Variants in SDK1 observed in about 807,000 individuals in gnomAD.
The protein encoded by SDK1 is sidekick cell adhesion molecule 1.
SDK1 carries 157 observed loss-of-function variants against 245.5 expected under a neutral mutation model. The observed-to-expected ratio is 0.64, with a 90% CI of 0.56 to 0.73. The LOEUF is 0.73. Among genes scored for constraint, SDK1 ranks in the 30% least tolerant of loss-of-function variants. The pLI, the probability that SDK1 is intolerant of heterozygous loss-of-function variation, is 0.00. For missense variants in SDK1, 3,583 were observed against 3,002.3 expected (o/e 1.19, Z -4.52); for synonymous variants, 1,647 against 1,278.5 (o/e 1.29, Z -6.15).
Position 4,214,144 on chromosome 7 carries a change from G to A in SDK1, c.5539+3982G>A, listed in dbSNP as rs1300408719. ...GTTTTGAAAATAATGACGAGGGTTG[G>A]GATTTGAACCCAGGTGTTCTGAGTC... On this transcript the variant is annotated intron_variant, in intron 38 of 44. Transcript: ENST00000404826. Among the ~76,000 whole-genome samples the A allele has an allele frequency of 3.3e-5, 5 of 152,130 alleles. No homozygotes were observed. In the South Asian group the frequency reaches 8.3e-4, roughly 25 times the overall value.
chr7:4,080,948 G>A (rs962429993), intron 22 of SDK1, among the ~76,000 whole-genome samples: 4 of 152,172 alleles, frequency 2.6e-5, no homozygotes, highest in African/African-American at 7.2e-5. Context: ...AAAACGCTTA[G>A]GATTAAATAT....
intron 1 of SDK1, among the ~76,000 whole-genome samples, chr7:3,504,240 C>T (rs1022841119): frequency 1.5e-5 from 2 of 137,572 alleles, no homozygotes; most frequent in East Asian, 2.1e-4. Context: ...ATATCAAAAT[C>T]CCAGCTGGAT....
intron 41 of SDK1, among the ~76,000 whole-genome samples, chr7:4,235,287 G>T (rs192191044): frequency 1.3e-5 from 2 of 152,036 alleles, no homozygotes; most frequent in Non-Finnish European, 1.5e-5. Context: ...GCCTCAGCTC[G>T]CAAGCAGCTG....
At chr7:4,033,187 A>G (rs929249452) in intron 17 of SDK1, among the ~76,000 whole-genome samples, 3 of 152,198 alleles carry the variant, frequency 2.0e-5, no homozygotes, top group African/African-American at 7.2e-5. Context: ...ATATAATAAA[A>G]GGACATCTTG....
chr7:3,436,653 A>C (rs1425968133), intron 1 of SDK1, among the ~76,000 whole-genome samples: 1 of 152,194 alleles, frequency 6.6e-6, no homozygotes, highest in Non-Finnish European at 1.5e-5. Context: ...TGAACCATGT[A>C]ATATTTTTCT....
chr7:4,185,596 C>T (rs1423190125), intron 35 of SDK1, among the ~76,000 whole-genome samples: 1 of 152,164 alleles, frequency 6.6e-6, no homozygotes, highest in Non-Finnish European at 1.5e-5. Context: ...CCTGCATCCA[C>T]GCGAGCCCTT....
At chr7:4,152,157 G>T (rs546623742) in intron 30 of SDK1, among the ~76,000 whole-genome samples, 70 of 152,302 alleles carry the variant, frequency 4.6e-4, no homozygotes, top group African/African-American at 1.7e-3. Flanking sequence ...ATTGCTGACC[G>T]CCACGGAACT....
chr7:3,661,907 C>G (rs1009025426), intron 4 of SDK1, among the ~76,000 whole-genome samples: 3 of 152,092 alleles, frequency 2.0e-5, no homozygotes, highest in African/African-American at 7.2e-5. Flanking sequence ...CCTGTTTAAG[C>G]ACGTGCAACT....
intron 1 of SDK1, among the ~76,000 whole-genome samples, chr7:3,441,547 C>T (rs1562488443): frequency 6.6e-6 from 1 of 151,996 alleles, no homozygotes. Context: ...TTTTTGGACT[C>T]TGTTTTGTTC....
chr7:3,339,392 C>T (rs1025591768), intron 1 of SDK1, among the ~76,000 whole-genome samples: 2 of 152,116 alleles, frequency 1.3e-5, no homozygotes, highest in Non-Finnish European at 2.9e-5. Context: ...ATTAGTAAAA[C>T]TATACACCAA....
At chr7:3,915,450 A>G (rs1356225745) in intron 5 of SDK1, among the ~76,000 whole-genome samples, 1 of 152,180 alleles carries the variant, frequency 6.6e-6, no homozygotes, top group Non-Finnish European at 1.5e-5. Context: ...TTCTTGTGGT[A>G]GTGAACAAGT....
intron 5 of SDK1, among the ~76,000 whole-genome samples, chr7:3,878,433 C>T (rs1432310809): frequency 3.3e-5 from 5 of 152,202 alleles, no homozygotes; most frequent in South Asian, 4.1e-4. Context: ...AGGAGAATGG[C>T]GTGAACCCGG....
intron 31 of SDK1, 107 bp from the exon 32 acceptor site, chr7:4,161,679 G>A (rs1228631900): frequency 3.6e-6 from 3 of 838,476 alleles, no homozygotes; most frequent in Non-Finnish European, 6.0e-6. Flanking sequence ...GAGAAGGAAG[G>A]AGGCAGGGCT....
intron 1 of SDK1, among the ~76,000 whole-genome samples, chr7:3,610,475 A>G (rs78986224): frequency 0.031 from 4,762 of 152,332 alleles, 105 homozygotes; most frequent in Non-Finnish European, 0.047. Flanking sequence ...GTATACTTCT[A>G]CTTTGAAGTA....
intron 22 of SDK1, 119 bp downstream of exon 22, chr7:4,079,703 A>T: frequency 7.3e-7 from 1 of 1,371,866 alleles, no homozygotes; most frequent in East Asian, 2.3e-5. Context: ...GTGCTTGGAG[A>T]GGGAGAACCA....
chr7:4,077,302 T>G (rs1780749032), intron 21 of SDK1, 113 bp downstream of exon 21: 7 of 993,148 alleles, frequency 7.0e-6, no homozygotes, highest in Non-Finnish European at 1.0e-5. Context: ...TGAAAAGGAG[T>G]AGTGGCCTCC....
intron 1 of SDK1, among the ~76,000 whole-genome samples, chr7:3,597,188 C>A (rs370395391): frequency 6.7e-6 from 1 of 148,154 alleles, no homozygotes; most frequent in South Asian, 2.2e-4. Context: ...AGGAGAATGG[C>A]GTGAACCCGG....
intron 5 of SDK1, among the ~76,000 whole-genome samples, chr7:3,904,748 C>G (rs751834442): frequency 3.3e-5 from 5 of 151,962 alleles, no homozygotes; most frequent in Non-Finnish European, 5.9e-5. Flanking sequence ...AATCCCAGCA[C>G]TTTGGGAGGC....
At chr7:3,378,878 C>T (rs897419898) in intron 1 of SDK1, among the ~76,000 whole-genome samples, 1 of 152,056 alleles carries the variant, frequency 6.6e-6, no homozygotes, top group African/African-American at 2.4e-5. Context: ...TGCTGTCTTC[C>T]TTGTTAGGAC....
Sources: gnomAD v4.1 joint callset for allele counts (sites outside exome capture counted in the v4.1 genomes callset) on GRCh38, gnomAD v4.1.1 for gene constraint, MANE v1.5 for transcripts, NCBI Gene and HGNC (gene_info 2026-07-23, HGNC 2026-07-21) for gene names.